ABR: variants seen among roughly 807,000 people sequenced by gnomAD.
ABR encodes active breakpoint cluster region-related protein.
In ABR, 35 loss-of-function variants were observed where a neutral mutation model predicts 107.2. That is an observed-to-expected ratio of 0.33 (90% CI 0.25 to 0.43). The LOEUF (loss-of-function observed/expected upper bound fraction) is 0.43. Ranked by LOEUF, ABR falls within the 20% of genes least tolerant of loss-of-function variation. ABR has a pLI of 1.00. For missense variants in ABR, 815 were observed against 1,115.2 expected (o/e 0.73, Z 3.83); for synonymous variants, 498 against 462.0 (o/e 1.08, Z -1.00).
chr17:1,055,263 C>G (rs2033130980), intron 14 of ABR: 1 of 152,054 alleles, frequency 6.6e-6, no homozygotes, highest in South Asian at 2.1e-4. Flanking sequence ...ACACTAAAAA[C>G]AGATTTAGTA....
intron 2 of ABR, chr17:1,100,980 T>C (rs1004291452): frequency 7.5e-6 from 4 of 536,172 alleles, no homozygotes; most frequent in East Asian, 3.2e-5. Flanking sequence ...CCTGCCACCA[T>C]GCCCAGATAA....
At chr17:1,074,798 T>C (rs1382721983) in intron 6 of ABR, among the ~76,000 whole-genome samples, 1 of 151,992 alleles carries the variant, frequency 6.6e-6, no homozygotes, top group African/African-American at 2.4e-5. Flanking sequence ...ATACAAAAAT[T>C]AGCCAGGCGT....
intron 1 of ABR, among the ~76,000 whole-genome samples, chr17:1,173,714 C>T (rs149012590): frequency 3.2e-4 from 48 of 152,206 alleles, no homozygotes; most frequent in African/African-American, 8.9e-4. Context: ...TTTTCCCACC[C>T]GTACTCAGAC....
At chr17:1,134,197 G>A (rs1444543094) in intron 1 of ABR, among the ~76,000 whole-genome samples, 1 of 152,104 alleles carries the variant, frequency 6.6e-6, no homozygotes, top group Non-Finnish European at 1.5e-5. Context: ...TGGATCACCT[G>A]AGGTCAGAAG....
intron 1 of ABR, among the ~76,000 whole-genome samples, chr17:1,177,704 G>C (rs780908822): frequency 6.6e-6 from 1 of 152,284 alleles, no homozygotes; most frequent in Admixed American, 6.5e-5. Flanking sequence ...ACAAGAACTG[G>C]GTTTTGCAAA....
At chr17:1,140,134 A>C (rs1370330665) in intron 1 of ABR, among the ~76,000 whole-genome samples, 2 of 152,176 alleles carry the variant, frequency 1.3e-5, no homozygotes, top group Admixed American at 1.3e-4. Flanking sequence ...AACGGGGCAA[A>C]CCGCCCCTCC....
intron 1 of ABR, among the ~76,000 whole-genome samples, chr17:1,208,222 G>C (rs1256227368): frequency 6.6e-6 from 1 of 152,130 alleles, no homozygotes; most frequent in African/African-American, 2.4e-5. Context: ...GGAAATGGTG[G>C]ATACTAGAAC....
rs536213366 is a variant in ABR, at chr17:1,010,303, C to T, written c.2236+426G>A. ...CGGAAGGCCTGCTGGCCGGGGCCCT[C>T]CGCAGAGGTGACGGGACGGTGTGTG... On this transcript the variant is annotated intron_variant, in intron 20 of 22. Coordinates refer to ENST00000302538, the MANE Select transcript of ABR (RefSeq NM_021962.5). This position sits in a 1 kb window ranked among gnomAD's most constrained non-coding sequence, Gnocchi z 4.1. 6 of 230,694 alleles carry T rather than the reference C, an allele frequency of 2.6e-5. No individual in the cohort carries two copies. The South Asian group carries it at 4.3e-4, about 17-fold the overall frequency. The allele number at this position is 230,694 out of a possible 1,614,324, so 14.3% of individuals were successfully genotyped here.
At chr17:1,156,651 T>C (rs965051325) in intron 1 of ABR, among the ~76,000 whole-genome samples, 2 of 151,748 alleles carry the variant, frequency 1.3e-5, no homozygotes, top group African/African-American at 4.8e-5. Context: ...GCCACTGCAC[T>C]CCAGCCTGGG....
At chr17:1,025,864 T>C (rs1020910153) in intron 16 of ABR, among the ~76,000 whole-genome samples, 2 of 152,202 alleles carry the variant, frequency 1.3e-5, no homozygotes, top group African/African-American at 4.8e-5. Flanking sequence ...CCTGCAGGCC[T>C]GGCACGTGGA....
chr17:1,064,232 G>C (rs2034412740), intron 10 of ABR, among the ~76,000 whole-genome samples: 8 of 100,666 alleles, frequency 7.9e-5, no homozygotes, highest in South Asian at 4.0e-4. Context: ...TGTTCCTCTA[G>C]ACGCTGCTGT....
intron 16 of ABR, among the ~76,000 whole-genome samples, chr17:1,042,323 C>A (rs1056810240): frequency 2.7e-5 from 4 of 149,730 alleles, no homozygotes; most frequent in African/African-American, 1.0e-4. Flanking sequence ...GCTACATCCA[C>A]AAACGGATGA....
At chr17:1,225,124 G>GCAC (rs2043189688) in intron 1 of ABR, among the ~76,000 whole-genome samples, 1 of 147,330 alleles carries the variant, frequency 6.8e-6, no homozygotes, top group African/African-American at 2.5e-5. Context: ...ACTCCAGCCT[G>GCAC]GGCAACACCG....
At chr17:1,077,820 A>G (rs947675546) in intron 6 of ABR, among the ~76,000 whole-genome samples, 7 of 152,204 alleles carry the variant, frequency 4.6e-5, no homozygotes, top group African/African-American at 1.4e-4. Context: ...TCCTAAAACC[A>G]GCCGCCTGCT....
rs79672207 is a variant in ABR, at chr17:1,160,817, C to T, written c.61+18850G>A. 6.6e-3 allele frequency among the ~76,000 whole-genome samples: 1,009 copies of T among 152,258 alleles called. 13 individuals carry two copies. Among genetic ancestry groups the T allele is most frequent in the African/African-American group, 0.023 (975 of 41,550 alleles). On this transcript the variant is annotated intron_variant, in intron 1 of 22. Transcript: ENST00000302538. ...TGGCGCATCTGAGAACCTATTCTACCGTGAATTATTAACACTTTTCACAGA... is the reference window on the plus strand; with the variant it reads ...TGGCGCATCTGAGAACCTATTCTACTGTGAATTATTAACACTTTTCACAGA...
chr17:1,028,201 C>A (rs919470989), intron 16 of ABR, among the ~76,000 whole-genome samples: 1 of 152,094 alleles, frequency 6.6e-6, no homozygotes, highest in African/African-American at 2.4e-5. Flanking sequence ...AGCGATGCTC[C>A]TGCCTCAGCC....
intron 1 of ABR, among the ~76,000 whole-genome samples, chr17:1,165,543 T>C (rs1352518108): frequency 1.3e-5 from 2 of 152,208 alleles, no homozygotes; most frequent in Admixed American, 1.3e-4. Flanking sequence ...TTTTTTTCTT[T>C]TTTCTGAGAC....
chr17:1,015,237 CA>C (rs1384141329), intron 16 of ABR, among the ~76,000 whole-genome samples: 1 of 151,520 alleles, frequency 6.6e-6, no homozygotes, highest in Non-Finnish European at 1.5e-5. Flanking sequence ...GCCAACATGA[CA>C]AAACCCTGTC....
At chr17:1,222,284 C>G (rs1419252608) in intron 1 of ABR, among the ~76,000 whole-genome samples, 1 of 152,062 alleles carries the variant, frequency 6.6e-6, no homozygotes, top group Admixed American at 6.6e-5. Flanking sequence ...AGGCTGGTCT[C>G]GAACTCCTGA....
Sources: gnomAD v4.1 joint callset for allele counts (sites outside exome capture counted in the v4.1 genomes callset) on GRCh38, gnomAD v4.1.1 for gene constraint, Gnocchi (gnomAD v3.1) non-coding constraint, MANE v1.5 for transcripts, NCBI Gene and HGNC (gene_info 2026-07-23, HGNC 2026-07-21) for gene names.